EFCC1: variants seen among roughly 807,000 people sequenced by gnomAD.
EFCC1 encodes EF-hand and coiled-coil domain-containing protein 1.
Under a neutral mutation model 52.1 loss-of-function variants are expected in EFCC1, and 50 were observed. That is an observed-to-expected ratio of 0.96 (90% CI 0.76 to 1.21). The LOEUF (loss-of-function observed/expected upper bound fraction) is 1.21, where lower values mean the gene tolerates loss of function less well. EFCC1 is among the 50% of genes most tolerant of loss of function. The probability of loss-of-function intolerance (pLI) is 0.00; values close to 1 mark genes in which losing one functional copy is unlikely to be tolerated. For missense variants in EFCC1, 837 were observed against 867.3 expected (o/e 0.97, Z 0.44); for synonymous variants, 399 against 396.5 (o/e 1.01, Z -0.08).
At chr3:129,024,238 A>C (rs1945997926) in intron 2 of EFCC1, among the ~76,000 whole-genome samples, 1 of 152,124 alleles carries the variant, frequency 6.6e-6, no homozygotes, top group Non-Finnish European at 1.5e-5. Flanking sequence ...TTATAAAGAA[A>C]AGAAATTTGG....
intron 7 of EFCC1, among the ~76,000 whole-genome samples, chr3:129,039,361 T>C (rs1285850745): frequency 6.6e-6 from 1 of 152,198 alleles, no homozygotes. Context: ...GAATGCCAGC[T>C]TATGCCTGGG....
intron 2 of EFCC1, among the ~76,000 whole-genome samples, chr3:129,007,805 T>C (rs527382974): frequency 2.6e-5 from 4 of 152,262 alleles, no homozygotes; most frequent in Admixed American, 6.5e-5. Flanking sequence ...TATTGAGTTC[T>C]TTTTCAGACC....
chr3:129,033,277 T>C (rs1946308788), intron 4 of EFCC1, among the ~76,000 whole-genome samples: 1 of 152,040 alleles, frequency 6.6e-6, no homozygotes, highest in African/African-American at 2.4e-5. Flanking sequence ...TCCCAACCCA[T>C]CACCCCTCGC....
Position 129,039,757 on chromosome 3 carries a change from C to A in EFCC1, c.1709C>A (p.Ala570Asp), listed in dbSNP as rs767960796. The A allele has an allele frequency of 6.2e-7, 1 of 1,612,110 alleles. No homozygotes were observed. Among genetic ancestry groups the A allele is most frequent in the African/African-American group, 1.3e-5 (1 of 74,862 alleles). Reference sequence around the variant, plus strand: ...GCCATCCTGGATGCCCTGCACCAAGCCTTGGCTGCCTGCCAGCTGTTGCGG... The same window carrying A: ...GCCATCCTGGATGCCCTGCACCAAGACTTGGCTGCCTGCCAGCTGTTGCGG... ...PAAILDALHQALAACQLLRRQ... is the reference protein window; with the variant it reads ...PAAILDALHQDLAACQLLRRQ... The change falls in exon 8 of 8, where the codon GCC becomes GAC. Residue 570 changes from alanine (A) to aspartate (D), a missense_variant. Coordinates refer to ENST00000683648, the MANE Select transcript of EFCC1 (RefSeq NM_001377500.1).
In EFCC1 at chr3:129,037,039, G is replaced by C. The variant is rs1946363164; in HGVS notation, c.1515G>C (p.Glu505Asp). The change falls in exon 6 of 8, where the codon GAG (glutamate) becomes GAC (aspartate). Residue 505 changes from glutamate to aspartate, a missense_variant. Transcript: ENST00000683648. Reference protein sequence around the residue: ...EHLRLELQMVETERVRLSLLE... With the variant: ...EHLRLELQMVDTERVRLSLLE... ...TGAGGCTGGAGCTGCAGATGGTAGA[G>C]ACCGAGAGGGTGCGGCTGTCCCTGC... 1 of 1,613,924 alleles carries C rather than the reference G, an allele frequency of 6.2e-7. No homozygotes were observed.
At chr3:129,031,624 T>C (rs1187838552) in intron 3 of EFCC1, among the ~76,000 whole-genome samples, 1 of 152,164 alleles carries the variant, frequency 6.6e-6, no homozygotes, top group African/African-American at 2.4e-5. Flanking sequence ...TAAAAGAGAA[T>C]GTATTGGTTC....
intron 3 of EFCC1, among the ~76,000 whole-genome samples, chr3:129,031,335 G>C (rs1019541106): frequency 6.6e-6 from 1 of 152,198 alleles, no homozygotes; most frequent in Non-Finnish European, 1.5e-5. Flanking sequence ...GAGGGGGAGT[G>C]GGGGCTGAGG....
chr3:129,012,175 G>A (rs1157360917), intron 2 of EFCC1, among the ~76,000 whole-genome samples: 3 of 152,234 alleles, frequency 2.0e-5, no homozygotes, highest in East Asian at 1.9e-4. Flanking sequence ...ATGCTTCTTA[G>A]GAAGCTTCAG....
chr3:129,004,020 AGGTGCCCG>A lies in EFCC1; in HGVS notation c.925_932del (p.Val309LeufsTer37). 1 of 1,508,598 alleles carries A rather than the reference AGGTGCCCG, an allele frequency of 6.6e-7. No homozygotes were observed. Among genetic ancestry groups the A allele is most frequent in the Non-Finnish European group, 8.8e-7 (1 of 1,135,674 alleles). 93.5% of individuals were successfully genotyped at this position (1,508,598 alleles called of 1,614,324 possible). A position where few individuals can be genotyped will look rare whatever the true frequency, so the allele number is the denominator to read the frequency against. On this transcript the variant is annotated frameshift_variant, in exon 2 of 8. Coordinates refer to ENST00000683648, the MANE Select transcript of EFCC1 (RefSeq NM_001377500.1). LOFTEE classifies it high-confidence loss of function. ...CGAGAGCTGGAGGCGCTGGCGCAAC[AGGTGCCCG>A]GCTTGCAGCGCTGGGTGCGGCGGCT... is the stretch of plus-strand genomic sequence containing the variant.
chr3:129,039,149 G>T (rs1208007760), intron 7 of EFCC1, among the ~76,000 whole-genome samples: 1 of 152,320 alleles, frequency 6.6e-6, no homozygotes, highest in East Asian at 1.9e-4. Flanking sequence ...AGCCACATGC[G>T]GGGGAGGTGC....
In EFCC1 at chr3:129,034,292, G is replaced by T. The variant is rs1441501665; in HGVS notation, c.1415G>T (p.Gly472Val). Residue 472 changes from glycine (G) to valine (V), a missense_variant, in exon 5 of 8, where the codon GGC becomes GTC. Coordinates refer to ENST00000683648, the MANE Select transcript of EFCC1 (RefSeq NM_001377500.1). The part of the protein sequence containing the change: ...AMLVEQLRTQ[G>V]CGGRTLGTSE... ...CTGGTGGAGCAGCTGAGGACTCAGG[G>T]CTGCGGTGGGAGGACCCTGGGGACC... 5 of 1,614,128 alleles carry T rather than the reference G, an allele frequency of 3.1e-6. No homozygotes were observed. The highest frequency in any genetic ancestry group is 4.2e-6 in the Non-Finnish European group (5 of 1,180,028).
chr3:129,022,830 C>T (rs1188015014), intron 2 of EFCC1, among the ~76,000 whole-genome samples: 3 of 152,202 alleles, frequency 2.0e-5, no homozygotes, highest in Non-Finnish European at 4.4e-5. Context: ...CCCAGAAGTG[C>T]GGCAGGCAGG....
chr3:129,004,354 T>C, intron 2 of EFCC1, among the ~76,000 whole-genome samples: 1 of 131,168 alleles, frequency 7.6e-6, no homozygotes, highest in Non-Finnish European at 1.7e-5. Context: ...ATCCATCCAT[T>C]TGTCCATTCA....
In EFCC1 at chr3:129,010,121, G is replaced by A. The variant is rs992506875; in HGVS notation, c.980+6044G>A. 2.0e-5 allele frequency among the ~76,000 whole-genome samples: 3 copies of A among 152,232 alleles called. No individual in the cohort carries two copies. The highest frequency in any genetic ancestry group is 1.3e-4 in the Admixed American group (2 of 15,290). On this transcript the variant is annotated intron_variant, in intron 2 of 7. Transcript: ENST00000683648. The surrounding 1 kb of genome is among the most constrained non-coding windows in gnomAD (Gnocchi z 4.3). ...TCAAAACTGGAAGAAAGGGCGTAAC[G>A]CCTGGGACTTCAGCACAAGGAGACC... is the stretch of plus-strand genomic sequence containing the variant.
At chr3:129,036,204 G>A (rs188091937) in intron 5 of EFCC1, among the ~76,000 whole-genome samples, 1 of 152,362 alleles carries the variant, frequency 6.6e-6, no homozygotes, top group East Asian at 1.9e-4. Flanking sequence ...AGGAAACAGG[G>A]CTTGGAGGAT....
chr3:129,025,370 A>G (rs413183), intron 2 of EFCC1, among the ~76,000 whole-genome samples: 82,970 of 152,018 alleles, frequency 0.55, 24,670 homozygotes, highest in African/African-American at 0.8. Flanking sequence ...CCCGGAAGCC[A>G]CGGGAAGAGT....
chr3:129,036,989 C>T lies in EFCC1; in HGVS notation c.1465C>T (p.Gln489Ter). The T allele has an allele frequency of 6.2e-7, 1 of 1,613,902 alleles. No individual in the cohort carries two copies. The highest frequency in any genetic ancestry group is 1.1e-5 in the South Asian group (1 of 91,080). ...CTTCTCTTCCCAGGCAGAGTTGCAG[C>T]AGAAGGTGGAAGAGAATGAGCACCT... ...GTSEEEAELQ[Q>*]KVEENEHLRL... is the part of the protein sequence containing the mutation. Residue 489 changes from glutamine to a stop codon, truncating the protein, a stop_gained, in exon 6 of 8, where the codon CAG becomes TAG. Coordinates refer to ENST00000683648, the MANE Select transcript of EFCC1 (RefSeq NM_001377500.1). LOFTEE classifies it high-confidence loss of function.
rs1944936879 is a variant in EFCC1, at chr3:129,003,988, CCG to C, written c.894_895del (p.Val299AlafsTer49). The C allele has an allele frequency of 6.7e-7, 1 of 1,498,902 alleles. No individual in the cohort carries two copies. Among genetic ancestry groups the C allele is most frequent in the South Asian group, 1.2e-5 (1 of 81,732 alleles). 92.9% of individuals were successfully genotyped at this position (1,498,902 alleles called of 1,614,324 possible). A position where few individuals can be genotyped will look rare whatever the true frequency, so the allele number is the denominator to read the frequency against. The stretch of plus-strand genomic sequence containing the variant: ...GGCAGGTGGTGCTGCGCAGCCTGCA[CCG>C]CGTGCGAGAGCTGGAGGCGCTGGCG... Reference protein sequence around the residue: ...ARQVVLRSLHRVRELEALAQQ... With the variant: ...ARQVVLRSLHXVRELEALAQQ... On this transcript the variant is annotated frameshift_variant, in exon 2 of 8. Transcript: ENST00000683648. LOFTEE classifies it high-confidence loss of function.
intron 1 of EFCC1, 37 bp from the exon 2 acceptor site, chr3:129,003,757 G>T (rs1381479477): frequency 1.1e-4 from 154 of 1,356,278 alleles, no homozygotes; most frequent in Non-Finnish European, 1.4e-4. Flanking sequence ...TCTGGCTGGG[G>T]CACTTACCCC....
Sources: gnomAD v4.1 joint callset for allele counts (sites outside exome capture counted in the v4.1 genomes callset) on GRCh38, gnomAD v4.1.1 for gene constraint, Gnocchi (gnomAD v3.1) non-coding constraint, MANE v1.5 for transcripts, NCBI Gene and HGNC (gene_info 2026-07-23, HGNC 2026-07-21) for gene names.